Variants in ZGRF1 observed in about 807,000 individuals in gnomAD.
ZGRF1 encodes zinc finger GRF-type containing 1.
Under a neutral mutation model 203.5 loss-of-function variants are expected in ZGRF1, and 196 were observed. That is an observed-to-expected ratio of 0.96 (90% CI 0.86 to 1.08). The LOEUF (loss-of-function observed/expected upper bound fraction) is 1.08. Ranked by LOEUF, ZGRF1 falls within the 50% of genes least tolerant of loss-of-function variation. ZGRF1 has a pLI of 0.00. For synonymous variants in ZGRF1, 809 were observed against 841.3 expected (o/e 0.96, Z 0.66); for missense variants, 2,326 against 2,416.3 (o/e 0.96, Z 0.78).
chr4:112,541,513 A>G (rs1001708193), intron 24 of ZGRF1, among the ~76,000 whole-genome samples: 3 of 150,344 alleles, frequency 2.0e-5, no homozygotes, highest in Admixed American at 6.7e-5. Context: ...TTTGACTCCT[A>G]ACATTATGGT....
intron 15 of ZGRF1, among the ~76,000 whole-genome samples, chr4:112,583,326 G>A (rs1746607275): frequency 6.6e-6 from 1 of 152,140 alleles, no homozygotes; most frequent in Non-Finnish European, 1.5e-5. Context: ...ACATGCAAAT[G>A]ATCACTTATT....
At chr4:112,605,969 T>C (rs764187882) in intron 9 of ZGRF1, 39 bp downstream of exon 9, 9 of 1,248,004 alleles carry the variant, frequency 7.2e-6, no homozygotes, top group Admixed American at 4.0e-5. Context: ...AAAGAAAATG[T>C]AGTTGGTTAA....
chr4:112,610,745 C>G (rs1751458406), intron 7 of ZGRF1: 1 of 154,522 alleles, frequency 6.5e-6, no homozygotes, highest in Admixed American at 6.6e-5. Flanking sequence ...CTTATAATAG[C>G]AAAATGCTGG....
At chr4:112,634,529 T>C (rs1056269685) in intron 1 of ZGRF1, among the ~76,000 whole-genome samples, 15 of 151,720 alleles carry the variant, frequency 9.9e-5, no homozygotes, top group Non-Finnish European at 1.8e-4. Context: ...TGCGTGCCTA[T>C]AATCCCAGCT....
chr4:112,614,369 G>A (rs1279968438), intron 6 of ZGRF1, among the ~76,000 whole-genome samples: 1 of 152,174 alleles, frequency 6.6e-6, no homozygotes, highest in Non-Finnish European at 1.5e-5. Context: ...GTCATTTGCA[G>A]ACATACATAG....
chr4:112,540,622 C>A (rs1481254560), intron 26 of ZGRF1, among the ~76,000 whole-genome samples, 199 bp downstream of exon 26: 1 of 151,980 alleles, frequency 6.6e-6, no homozygotes, highest in African/African-American at 2.4e-5. Context: ...TTTAATTAAA[C>A]CTTGTTAGGT....
intron 22 of ZGRF1, among the ~76,000 whole-genome samples, chr4:112,553,601 G>A (rs1032583442): frequency 1.3e-5 from 2 of 152,214 alleles, no homozygotes; most frequent in Admixed American, 6.5e-5. Context: ...GAGAAAGGAT[G>A]ACTCGGTCAT....
chr4:112,620,313 GTAAC>G (rs1412078282), intron 4 of ZGRF1, 123 bp from the exon 5 acceptor site: 4 of 556,006 alleles, frequency 7.2e-6, no homozygotes, highest in African/African-American at 1.9e-5. Context: ...GAATAAATCA[GTAAC>G]TAAAGTCTTC....
At chr4:112,542,780 C>T (rs1333684419) in intron 24 of ZGRF1, among the ~76,000 whole-genome samples, 2 of 149,792 alleles carry the variant, frequency 1.3e-5, no homozygotes, top group African/African-American at 4.9e-5. Flanking sequence ...TTCTTTCCTT[C>T]CTTCCTTCCT....
chr4:112,604,071 A>G (rs190643873), intron 9 of ZGRF1, among the ~76,000 whole-genome samples: 1 of 152,218 alleles, frequency 6.6e-6, no homozygotes, highest in Admixed American at 6.5e-5. Flanking sequence ...AAAAATATAA[A>G]AAATTAGCCA....
At position 112,589,806 on chromosome 4, in the gene ZGRF1, A is replaced by G. The variant is rs751738486; in HGVS notation, c.3045T>C (p.Asp1015=). The G allele has an allele frequency of 6.2e-7, 1 of 1,613,236 alleles. No homozygotes were observed. The change falls in exon 11 of 28, where the codon GAT becomes GAC. Residue 1015 remains aspartate, a synonymous_variant. Transcript: ENST00000505019. ...PVSTFSLNSR[D]EDFMVEFSET... ...CAGAGAATTCTACCATGAAGTCTTC[A>G]TCTCTTGAGTTCAAAGAAAAGGTAG...
At chr4:112,574,498 T>C (rs1744781849) in intron 16 of ZGRF1, among the ~76,000 whole-genome samples, 1 of 152,172 alleles carries the variant, frequency 6.6e-6, no homozygotes, top group African/African-American at 2.4e-5. Flanking sequence ...AAAATGATAA[T>C]TACCTTGGGT....
intron 19 of ZGRF1, among the ~76,000 whole-genome samples, chr4:112,558,595 G>C (rs1307665817): frequency 1.3e-5 from 2 of 152,170 alleles, no homozygotes; most frequent in Admixed American, 6.5e-5. Context: ...CTGAACTCAA[G>C]TGATCCACCT....
At chr4:112,623,986 G>T (rs777451063) in intron 3 of ZGRF1, 110 bp from the exon 4 acceptor site, 11 of 630,304 alleles carry the variant, frequency 1.7e-5, no homozygotes, top group Non-Finnish European at 2.8e-5. Context: ...ATAATGAAAG[G>T]ATTACATTTG....
At chr4:112,598,140 A>G (rs1254385903) in intron 10 of ZGRF1, among the ~76,000 whole-genome samples, 1 of 152,158 alleles carries the variant, frequency 6.6e-6, no homozygotes, top group East Asian at 1.9e-4. Context: ...AGCAATGGGC[A>G]TTCTTAAGTT....
At position 112,587,581 on chromosome 4, in the gene ZGRF1, G is replaced by C. The variant is rs758277470; in HGVS notation, c.3476C>G (p.Thr1159Ser). 7.4e-6 allele frequency: 12 copies of C among 1,613,746 alleles called. No homozygotes were observed. In the South Asian group the frequency reaches 8.8e-5, roughly 12 times the overall value. ...YQNTSQCNVATPNRVDKRITD... is the reference protein window; with the variant it reads ...YQNTSQCNVASPNRVDKRITD... ...TATTCTCTTATCAACTCTGTTTGGAGTAGCCACGTTGCATTGGGATGTGTT... is the reference window on the plus strand; with the variant it reads ...TATTCTCTTATCAACTCTGTTTGGACTAGCCACGTTGCATTGGGATGTGTT... Residue 1159 changes from threonine (T) to serine (S), a missense_variant, in exon 12 of 28, where the codon ACT becomes AGT. By Grantham distance (58) the Thr-to-Ser change is moderately conservative. Coordinates refer to ENST00000505019, the MANE Select transcript of ZGRF1 (RefSeq NM_018392.5).
Position 112,622,519 on chromosome 4 carries a change from C to CG in ZGRF1, c.162+1297dup, listed in dbSNP as rs1392676840. On this transcript the variant is annotated intron_variant, in intron 4 of 27. Transcript: ENST00000505019. ...TGGGCAACAGAGGGAGACTCCATCT[C>CG]GAAAAAAAAAAAAAAAAAAAAGACT... Among the ~76,000 whole-genome samples, 5 of 92,580 alleles carry CG rather than the reference C, an allele frequency of 5.4e-5. No homozygotes were observed. The East Asian group carries it at 9.1e-4, about 17-fold the overall frequency. 60.7% of individuals were successfully genotyped at this position (92,580 alleles called of 152,430 possible).
intron 3 of ZGRF1, among the ~76,000 whole-genome samples, chr4:112,627,913 A>AGCTG (rs2047289173): frequency 6.6e-6 from 1 of 152,214 alleles, no homozygotes; most frequent in Non-Finnish European, 1.5e-5. Flanking sequence ...AGCTATATTT[A>AGCTG]AATGCTTATA....
In ZGRF1 at chr4:112,548,297, C is replaced by T. The variant is rs1471546315; in HGVS notation, c.5430G>A (p.Glu1810=). ...AGGCCGGTTCAGTTATCTGACTACACTCATCCAGCACAACTACAGGAAATT... is the reference window on the plus strand; with the variant it reads ...AGGCCGGTTCAGTTATCTGACTACATTCATCCAGCACAACTACAGGAAATT... The part of the protein sequence containing the change: ...DLKFPVVVLD[E]CSQITEPASL... Residue 1810 remains glutamate, a synonymous_variant, in exon 23 of 28, where the codon GAG becomes GAA. Transcript: ENST00000505019. 2 of 1,552,322 alleles carry T rather than the reference C, an allele frequency of 1.3e-6. No homozygotes were observed. Among genetic ancestry groups the T allele is most frequent in the Non-Finnish European group, 1.7e-6 (2 of 1,147,200 alleles).
Sources: gnomAD v4.1 joint callset for allele counts (sites outside exome capture counted in the v4.1 genomes callset) on GRCh38, gnomAD v4.1.1 for gene constraint, MANE v1.5 for transcripts, NCBI Gene and HGNC (gene_info 2026-07-23, HGNC 2026-07-21) for gene names.